GRSF1: variants seen among roughly 807,000 people sequenced by gnomAD.
The protein encoded by GRSF1 is G-rich RNA sequence binding factor 1, also known as G-rich sequence factor 1.
In GRSF1, 50 loss-of-function variants were observed where a neutral mutation model predicts 51.1. The ratio of observed to expected loss-of-function variants is 0.98; its 90% CI spans 0.78 to 1.24. The LOEUF (loss-of-function observed/expected upper bound fraction) is 1.24, where lower values mean the gene tolerates loss of function less well. Among genes scored for constraint, GRSF1 ranks in the 50% most tolerant of loss-of-function variants. The probability of loss-of-function intolerance (pLI) is 0.00; values close to 1 mark genes in which losing one functional copy is unlikely to be tolerated. For synonymous variants in GRSF1, 293 were observed against 253.3 expected, an observed-to-expected ratio of 1.16 and a Z score of -1.49; for missense variants, 700 against 639.7, an observed-to-expected ratio of 1.09 and a Z score of -1.02.
chr4:70,829,980 A>G (rs1480683316), intron 5 of GRSF1, among the ~76,000 whole-genome samples: 2 of 152,226 alleles, frequency 1.3e-5, no homozygotes, highest in African/African-American at 4.8e-5. Flanking sequence ...CTCCAAAGTT[A>G]AAGTTAAAAC....
Position 70,839,816 on chromosome 4 carries a change from C to T in GRSF1, c.12G>A (p.Thr4=), listed in dbSNP as rs1475857271. Residue 4 remains threonine, a synonymous_variant, in exon 1 of 10, where the codon ACG becomes ACA. Coordinates refer to ENST00000254799, the MANE Select transcript of GRSF1 (RefSeq NM_002092.4). MAG[T]RWVLGALLRG... ...GGAGCAGCGCCCCGAGTACCCAGCG[C>T]GTGCCGGCCATGGACTCCGGAGGCG... 3 of 1,498,750 alleles carry T rather than the reference C, an allele frequency of 2.0e-6. No homozygotes were observed. Among genetic ancestry groups the T allele is most frequent in the Admixed American group, 4.3e-5 (2 of 46,904 alleles). The allele number at this position is 1,498,750 out of a possible 1,614,324, so 92.8% of individuals were successfully genotyped here.
At chr4:70,834,313 C>G (rs553655193) in intron 2 of GRSF1, among the ~76,000 whole-genome samples, 2 of 151,664 alleles carry the variant, frequency 1.3e-5, no homozygotes, top group South Asian at 2.1e-4. Context: ...AAAAAAAAAT[C>G]CCACAGATAT....
rs754031422 is a variant in GRSF1 at position 70,825,344 on chromosome 4, T to C, written c.1345A>G (p.Thr449Ala). ...ATGEADVHFE[T>A]HEDAVAAMLK... ...ATCGCTGCAACAGCATCCTCATGGG[T>C]CTCAAAGTGCACATCAGCTTCTCCA... Residue 449 changes from threonine (T) to alanine (A), a missense_variant, in exon 8 of 10, where the codon ACC becomes GCC. Coordinates refer to ENST00000254799, the MANE Select transcript of GRSF1 (RefSeq NM_002092.4). The C allele has an allele frequency of 1.2e-6, 2 of 1,612,046 alleles. No individual in the cohort carries two copies. Among genetic ancestry groups the C allele is most frequent in the Non-Finnish European group, 1.7e-6 (2 of 1,178,602 alleles).
In GRSF1 at chr4:70,825,224, A is replaced by C. The variant is rs770059272; in HGVS notation, c.1393+72T>G. ...TCTCAAGGAAAAATTCTACAATCCC[A>C]AAACAGAAAAAGATATTTGTAAGCA... On this transcript the variant is annotated intron_variant, in intron 8 of 9. Coordinates refer to ENST00000254799, the MANE Select transcript of GRSF1 (RefSeq NM_002092.4). 6 of 1,307,058 alleles carry C rather than the reference A, an allele frequency of 4.6e-6. No homozygotes were observed. The African/African-American group carries it at 7.3e-5, about 16-fold the overall frequency. The allele number at this position is 1,307,058 out of a possible 1,614,324, so 81.0% of individuals were successfully genotyped here.
intron 9 of GRSF1, among the ~76,000 whole-genome samples, chr4:70,822,253 C>T (rs116568391): frequency 7.9e-5 from 12 of 152,186 alleles, no homozygotes; most frequent in Non-Finnish European, 1.8e-4. Flanking sequence ...GGATGATACA[C>T]TCTGGTTTCA....
Position 70,818,652 on chromosome 4 carries a change from T to G in GRSF1, c.*2235A>C, listed in dbSNP as rs1427878216. The G allele has an allele frequency of 6.6e-6, 1 of 152,234 alleles. No homozygotes were observed. The highest frequency in any genetic ancestry group is 1.5e-5 in the Non-Finnish European group (1 of 68,056). The allele number at this position is 152,234 out of a possible 1,614,324, so 9.4% of individuals were successfully genotyped here. ...CCACAATATTCAGCAATCAGCTCCCTGGTATTTACATACTGCTTCTCAGAG... is the reference window on the plus strand; with the variant it reads ...CCACAATATTCAGCAATCAGCTCCCGGGTATTTACATACTGCTTCTCAGAG... On this transcript the variant is annotated 3_prime_UTR_variant, in exon 10 of 10. Coordinates refer to ENST00000254799, the MANE Select transcript of GRSF1 (RefSeq NM_002092.4).
Position 70,839,671 on chromosome 4 carries a change from G to A in GRSF1, c.157C>T (p.Leu53Phe). 5 of 1,415,954 alleles carry A rather than the reference G, an allele frequency of 3.5e-6. No homozygotes were observed. Among genetic ancestry groups the A allele is most frequent in the South Asian group, 3.0e-5 (2 of 66,984 alleles). The allele number at this position is 1,415,954 out of a possible 1,614,324, so 87.7% of individuals were successfully genotyped here. ...GAGGCAGCGGCCGCGGCGGCCCCGA[G>A]CAGCAGCAGCAGGCGGCGGCGGCCC... ...VSGRRRLLLL[L>F]GAAAAAASQT... Residue 53 changes from leucine (L) to phenylalanine (F), a missense_variant, in exon 1 of 10, where the codon CTC becomes TTC. Coordinates refer to ENST00000254799, the MANE Select transcript of GRSF1 (RefSeq NM_002092.4).
In GRSF1 at chr4:70,817,964, T is replaced by C. The variant is rs1427885600; in HGVS notation, c.*2923A>G. ...ACATACATACCATTCTCCTCTATAC[T>C]ATAGGTCCTACCAATTCAATGTGAG... On this transcript the variant is annotated 3_prime_UTR_variant, in exon 10 of 10. Transcript: ENST00000254799. 6.6e-6 allele frequency: 1 copy of C among 152,254 alleles called. No homozygotes were observed. Among genetic ancestry groups the C allele is most frequent in the East Asian group, 1.9e-4 (1 of 5,202 alleles). The allele number at this position is 152,254 out of a possible 1,614,324, so 9.4% of individuals were successfully genotyped here.
intron 1 of GRSF1, 93 bp downstream of exon 1, chr4:70,839,378 G>C (rs1479977210): frequency 1.3e-6 from 2 of 1,507,376 alleles, no homozygotes; most frequent in African/African-American, 1.4e-5. Context: ...GGGCGTGCCC[G>C]CGAGGCGCAC....
chr4:70,839,198 G>A (rs1578312429), intron 1 of GRSF1: 8 of 1,407,264 alleles, frequency 5.7e-6, no homozygotes, highest in East Asian at 3.5e-5. Context: ...CGGGGAACAA[G>A]GCCTCAACAT....
rs1733439095 is a variant in GRSF1, at chr4:70,819,925, C to A, written c.*962G>T. ...TCCATAAACCCTTCACACAATTATA[C>A]ATTAAATGCTATTTTTATTTAAGCA... On this transcript the variant is annotated 3_prime_UTR_variant, in exon 10 of 10. Transcript: ENST00000254799. 6.6e-6 allele frequency: 1 copy of A among 152,652 alleles called. No individual in the cohort carries two copies. The highest frequency in any genetic ancestry group is 1.5e-5 in the Non-Finnish European group (1 of 68,046). 9.5% of individuals were successfully genotyped at this position (152,652 alleles called of 1,614,324 possible).
In GRSF1 at chr4:70,839,768, G is replaced by A; in HGVS notation, c.60C>T (p.Ser20=). Residue 20 remains serine (S), a synonymous_variant, in exon 1 of 10, where the codon AGC becomes AGT. Coordinates refer to ENST00000254799, the MANE Select transcript of GRSF1 (RefSeq NM_002092.4). The part of the protein sequence containing the change: ...ALLRGCGCNC[S]SCRRTGAACL... ...AGGCGGCGCCGGTGCGCCGGCAGCT[G>A]CTGCAGTTACAGCCGCAGCCCCGGA... The A allele has an allele frequency of 2.7e-6, 4 of 1,505,922 alleles. No individual in the cohort carries two copies. Among genetic ancestry groups the A allele is most frequent in the South Asian group, 1.2e-5 (1 of 82,204 alleles). The allele number at this position is 1,505,922 out of a possible 1,614,324, so 93.3% of individuals were successfully genotyped here. A position where few individuals can be genotyped will look rare whatever the true frequency, so the allele number is the denominator to read the frequency against.
At chr4:70,835,255 A>C (rs986380423) in intron 2 of GRSF1, among the ~76,000 whole-genome samples, 7 of 151,028 alleles carry the variant, frequency 4.6e-5, no homozygotes, top group African/African-American at 1.7e-4. Flanking sequence ...CATCCTGGCT[A>C]ACACGGTGAA....
Position 70,815,942 on chromosome 4 carries a change from G to A in GRSF1, c.*4945C>T, listed in dbSNP as rs573977587. ...AAAAGGAACAAAGCTTAAACACACT[G>A]ATGAACATACAAACATGCTGAGTAA... On this transcript the variant is annotated 3_prime_UTR_variant, in exon 10 of 10. Coordinates refer to ENST00000254799, the MANE Select transcript of GRSF1 (RefSeq NM_002092.4). 3 of 152,226 alleles carry A rather than the reference G, an allele frequency of 2.0e-5. No homozygotes were observed. Among genetic ancestry groups the A allele is most frequent in the African/African-American group, 4.8e-5 (2 of 41,532 alleles). 9.4% of individuals were successfully genotyped at this position (152,226 alleles called of 1,614,324 possible).
In GRSF1 at chr4:70,835,122, T is replaced by C. The variant is rs193110482; in HGVS notation, c.514+1036A>G. On this transcript the variant is annotated intron_variant, in intron 2 of 9. Transcript: ENST00000254799. ...ACCCACATTGCTGCAAAGCACATAA[T>C]CTCACTCTTTGTTATGGCTACGTAG... 6.6e-5 allele frequency among the ~76,000 whole-genome samples: 10 copies of C among 152,064 alleles called. No individual in the cohort carries two copies. The East Asian group carries it at 1.8e-3, about 27-fold the overall frequency.
intron 1 of GRSF1, 81 bp downstream of exon 1, chr4:70,839,390 C>G (rs540987236): frequency 6.7e-6 from 10 of 1,491,298 alleles, no homozygotes; most frequent in East Asian, 5.4e-5. Context: ...GAGGCGCACA[C>G]GGAGGGACGG....
Position 70,839,472 on chromosome 4 carries a change from T to C in GRSF1, c.356A>G (p.Gln119Arg), listed in dbSNP as rs891491126. ...AAAVPTRSYSQESKTTYLEDL... is the reference protein window; with the variant it reads ...AAAVPTRSYSRESKTTYLEDL... ...AGGTCCCTCACGGCGCCCACGTACC[T>C]GGCTGTAGCTGCGCGTCGGGACGGC... The change falls in exon 1 of 10, where the codon CAG becomes CGG. Residue 119 changes from glutamine (Q) to arginine (R), a missense_variant and splice_region_variant. Physicochemically the swap from Gln to Arg is conservative, Grantham distance 43. Transcript: ENST00000254799. 10 of 1,425,914 alleles carry C rather than the reference T, an allele frequency of 7.0e-6. No homozygotes were observed. Among genetic ancestry groups the C allele is most frequent in the East Asian group, 6.1e-5 (2 of 32,820 alleles). 88.3% of individuals were successfully genotyped at this position (1,425,914 alleles called of 1,614,324 possible).
At chr4:70,828,674 TCCTCCTGCCTCAG>T (rs1259711333) in intron 5 of GRSF1, among the ~76,000 whole-genome samples, 4 of 151,496 alleles carry the variant, frequency 2.6e-5, no homozygotes, top group Non-Finnish European at 4.4e-5. Flanking sequence ...GCTCAAGTGA[TCCTCCTGCCTCAG>T]CCTCCTGAGT....
rs760889788 is a variant in GRSF1 at position 70,827,951 on chromosome 4, T to C, written c.1036A>G (p.Thr346Ala). ...TCTGGCTCAGTTATATACTTAGCAG[T>C]AGGAAAAGATGCGATTTTCTTTCCC... ...YKGKKIASFP[T>A]AKYITEPEMV... Residue 346 changes from threonine to alanine, a missense_variant, in exon 6 of 10, where the codon ACT becomes GCT. Physicochemically the swap from Thr to Ala is moderately conservative, Grantham distance 58 (BLOSUM62 0). Coordinates refer to ENST00000254799, the MANE Select transcript of GRSF1 (RefSeq NM_002092.4). 1.9e-5 allele frequency: 31 copies of C among 1,611,626 alleles called. 1 individual carries two copies. In the South Asian group the frequency reaches 3.1e-4, roughly 16 times the overall value.
Sources: gnomAD v4.1 joint callset for allele counts (sites outside exome capture counted in the v4.1 genomes callset) on GRCh38, gnomAD v4.1.1 for gene constraint, MANE v1.5 for transcripts, NCBI Gene and HGNC (gene_info 2026-07-23, HGNC 2026-07-21) for gene names.